Variants in PIK3C2A observed in about 807,000 individuals in gnomAD.
PIK3C2A encodes phosphatidylinositol-4-phosphate 3-kinase catalytic subunit type 2 alpha.
In PIK3C2A, 97 loss-of-function variants were observed where a neutral mutation model predicts 204.5. The ratio of observed to expected loss-of-function variants is 0.47; its 90% CI spans 0.40 to 0.56. The LOEUF is 0.56. Among genes scored for constraint, PIK3C2A ranks in the 20% least tolerant of loss-of-function variants. The pLI is 0.00. For synonymous variants in PIK3C2A, 653 were observed against 664.4 expected, an observed-to-expected ratio of 0.98 and a Z score of 0.26; for missense variants, 1,735 against 1,969.2, an observed-to-expected ratio of 0.88 and a Z score of 2.25.
rs1848273597 is a variant in PIK3C2A at position 17,090,398 on chromosome 11, CGG to C, written c.4879-480_4879-479del. Among the ~76,000 whole-genome samples, 16 of 152,272 alleles carry C rather than the reference CGG, an allele frequency of 1.1e-4. No homozygotes were observed. In the South Asian group the frequency reaches 3.3e-3, roughly 32 times the overall value. ...AGGAGAATCACTTGAACTCAGGAGG[CGG>C]AGGTTGCAGTGAGCCAACATGGCTC... On this transcript the variant is annotated intron_variant, in intron 32 of 32. Transcript: ENST00000691414.
chr11:17,125,348 CA>C (rs1849488605), intron 13 of PIK3C2A, among the ~76,000 whole-genome samples: 1 of 152,120 alleles, frequency 6.6e-6, no homozygotes, highest in Non-Finnish European at 1.5e-5. Flanking sequence ...TGCCGCTAAA[CA>C]TCCTACAATG....
In PIK3C2A at chr11:17,169,226, G is replaced by A; in HGVS notation, c.516C>T (p.Phe172=). Residue 172 remains phenylalanine, a synonymous_variant, in exon 2 of 33, where the codon TTC becomes TTT. Transcript: ENST00000691414. ...ATGGAAAAGTGGGCATTCTTGGATT[G>A]AAGCCATTTTGGAATGCAGCCTGTT... ...YSKQAAFQNG[F]NPRMPTFPST... is the part of the protein sequence containing the mutation. 6.2e-7 allele frequency: 1 copy of A among 1,614,118 alleles called. No individual in the cohort carries two copies. Among genetic ancestry groups the A allele is most frequent in the Non-Finnish European group, 8.5e-7 (1 of 1,179,988 alleles).
At chr11:17,116,009 A>G (rs991471506) in intron 19 of PIK3C2A, among the ~76,000 whole-genome samples, 2 of 152,224 alleles carry the variant, frequency 1.3e-5, no homozygotes, top group Admixed American at 1.3e-4. Flanking sequence ...ATGACACTAA[A>G]AGCATGAGCC....
intron 2 of PIK3C2A, 139 bp downstream of exon 2, chr11:17,168,538 G>A (rs556883334): frequency 2.9e-5 from 18 of 618,926 alleles, no homozygotes; most frequent in East Asian, 2.3e-4. Context: ...CCGAAATCAC[G>A]CCACTGCACT....
intron 1 of PIK3C2A, among the ~76,000 whole-genome samples, chr11:17,172,173 T>C (rs1353344657): frequency 6.6e-6 from 1 of 152,178 alleles, no homozygotes; most frequent in African/African-American, 2.4e-5. Flanking sequence ...TTCTTGTTCC[T>C]CTCATAAAGA....
intron 29 of PIK3C2A, 28 bp from the exon 30 acceptor site, chr11:17,092,096 A>C (rs1247712096): frequency 6.5e-7 from 1 of 1,538,492 alleles, no homozygotes; most frequent in Non-Finnish European, 9.0e-7. Flanking sequence ...GCAATTCATT[A>C]GTTTAAATAT....
chr11:17,117,530 T>A lies in PIK3C2A; in HGVS notation c.3177A>T (p.Val1059=). Residue 1059 remains valine (V), a synonymous_variant, in exon 19 of 33, where the codon GTA becomes GTT. Transcript: ENST00000691414. ...QTKLVQLLGG[V]AEKVRQASGS... The stretch of plus-strand genomic sequence containing the variant: ...CACTAGCCTGCCTTACTTTTTCTGC[T>A]ACTCCTCCTAAAAGCTGTACAAGTT... 2 of 1,613,868 alleles carry A rather than the reference T, an allele frequency of 1.2e-6. No homozygotes were observed. Among genetic ancestry groups the A allele is most frequent in the African/African-American group, 2.7e-5 (2 of 75,004 alleles).
chr11:17,139,431 T>C (rs1490359381), intron 8 of PIK3C2A, among the ~76,000 whole-genome samples: 1 of 150,510 alleles, frequency 6.6e-6, no homozygotes, highest in Non-Finnish European at 1.5e-5. Context: ...TTTCGCCATA[T>C]TGGGCTGGTC....
intron 8 of PIK3C2A, among the ~76,000 whole-genome samples, chr11:17,137,423 C>CTTTTTTTTTTTTTT (rs33912263): frequency 1.6e-5 from 2 of 125,042 alleles, no homozygotes; most frequent in African/African-American, 5.9e-5. Flanking sequence ...ATTACTTTGC[C>CTTTTTTTTTTTTTT]TTTTTTTTTG....
Position 17,117,677 on chromosome 11 carries a change from A to G in PIK3C2A, c.3036-6T>C, listed in dbSNP as rs991106966. 1 of 1,484,246 alleles carries G rather than the reference A, an allele frequency of 6.7e-7. No individual in the cohort carries two copies. The highest frequency in any genetic ancestry group is 1.4e-5 in the African/African-American group (1 of 70,270). The allele number at this position is 1,484,246 out of a possible 1,614,324, so 91.9% of individuals were successfully genotyped here. On this transcript the variant is annotated splice_polypyrimidine_tract_variant and splice_region_variant and intron_variant, in intron 18 of 32. Transcript: ENST00000691414. ...GCAGGGCATCTTTGAGAAGCCTAAT[A>G]CAGCAAAATATTTATGTTAGTCACG...
intron 20 of PIK3C2A, among the ~76,000 whole-genome samples, chr11:17,113,617 ACTAAACATAC>A (rs1849070655): frequency 6.6e-6 from 1 of 151,588 alleles, no homozygotes. Flanking sequence ...CCCCGTCTCT[ACTAAACATAC>A]AAATATTAGC....
intron 12 of PIK3C2A, among the ~76,000 whole-genome samples, chr11:17,131,016 A>C (rs1049950884): frequency 1.3e-5 from 2 of 151,382 alleles, no homozygotes; most frequent in African/African-American, 4.9e-5. Context: ...GTGAAACCCC[A>C]ACTCTACTAA....
At chr11:17,199,501 A>C (rs916447148) in intron 1 of PIK3C2A, among the ~76,000 whole-genome samples, 1 of 152,264 alleles carries the variant, frequency 6.6e-6, no homozygotes, top group Admixed American at 6.5e-5. Context: ...GTGGTACATT[A>C]AATATGATTC....
chr11:17,099,973 T>A lies in PIK3C2A; in HGVS notation c.4009-4A>T. The A allele has an allele frequency of 7.1e-7, 1 of 1,414,990 alleles. No homozygotes were observed. Among genetic ancestry groups the A allele is most frequent in the Non-Finnish European group, 9.9e-7 (1 of 1,009,508 alleles). The allele number at this position is 1,414,990 out of a possible 1,614,324, so 87.7% of individuals were successfully genotyped here. A position where few individuals can be genotyped will look rare whatever the true frequency, so the allele number is the denominator to read the frequency against. On this transcript the variant is annotated splice_polypyrimidine_tract_variant and splice_region_variant and intron_variant, in intron 25 of 32. Coordinates refer to ENST00000691414, the MANE Select transcript of PIK3C2A (RefSeq NM_002645.4). ...CTGGTAACCCTGAAGGAATCATCTG[T>A]AGAAGAAAACAAAAAGTTCTGTGAG...
Position 17,206,509 on chromosome 11 carries a change from A to G in PIK3C2A, c.-66+1339T>C, listed in dbSNP as rs146756915. Among the ~76,000 whole-genome samples the G allele has an allele frequency of 5.8e-3, 888 of 151,864 alleles. 18 individuals carry two copies. Among genetic ancestry groups the G allele is most frequent in the African/African-American group, 0.02 (844 of 41,412 alleles). On this transcript the variant is annotated intron_variant, in intron 1 of 32. Transcript: ENST00000691414. ...CATCCTGTCCAGATAAGGTTAGATCAAATTTAAAAAAAAAAAAAGCACCAT... is the reference window on the plus strand; with the variant it reads ...CATCCTGTCCAGATAAGGTTAGATCGAATTTAAAAAAAAAAAAAGCACCAT...
At chr11:17,156,541 CCTGG>C (rs1158515969) in intron 2 of PIK3C2A, among the ~76,000 whole-genome samples, 1 of 152,094 alleles carries the variant, frequency 6.6e-6, no homozygotes, top group Non-Finnish European at 1.5e-5. Flanking sequence ...GGCCACCCCA[CCTGG>C]CTAATTTTTG....
chr11:17,169,581 C>A lies in PIK3C2A; in HGVS notation c.161G>T (p.Gly54Val), dbSNP rs747716277. 1.2e-5 allele frequency: 20 copies of A among 1,613,968 alleles called. No individual in the cohort carries two copies. The East Asian group carries it at 3.6e-4, about 29-fold the overall frequency. Residue 54 changes from glycine to valine, a missense_variant, in exon 2 of 33, where the codon GGC (glycine) becomes GTC (valine). Coordinates refer to ENST00000691414, the MANE Select transcript of PIK3C2A (RefSeq NM_002645.4). ...TCTGGTGCTGCTTGACAACTCAAAG[C>A]CTCTCTGATTGTCAGTCACTTGTCT... is the stretch of plus-strand genomic sequence containing the variant. ...KDRQVTDNQR[G>V]FELSSSTRKK...
chr11:17,094,284 A>G lies in PIK3C2A; in HGVS notation c.4428T>C (p.Ile1476=), dbSNP rs1848392496. ...ACCCTGGTAACTTCCAAAGTGGAAA[A>G]ATAATACTGAGCTTATTGTGAAGTT... is the stretch of plus-strand genomic sequence containing the variant. ...FQELHNKLSI[I]FPLWKLPGFP... is the part of the protein sequence containing the mutation. Residue 1476 remains isoleucine (I), a synonymous_variant, in exon 28 of 33, where the codon ATT becomes ATC. Coordinates refer to ENST00000691414, the MANE Select transcript of PIK3C2A (RefSeq NM_002645.4). 6.2e-7 allele frequency: 1 copy of G among 1,611,086 alleles called. No homozygotes were observed. The highest frequency in any genetic ancestry group is 8.5e-7 in the Non-Finnish European group (1 of 1,177,540).
chr11:17,120,032 A>G (rs1849323515), intron 15 of PIK3C2A, 58 bp from the exon 16 acceptor site: 1 of 683,502 alleles, frequency 1.5e-6, no homozygotes, highest in South Asian at 3.1e-5. Context: ...TATAATCTCA[A>G]TGATTAAAAA....
Sources: gnomAD v4.1 joint callset for allele counts (sites outside exome capture counted in the v4.1 genomes callset) on GRCh38, gnomAD v4.1.1 for gene constraint, MANE v1.5 for transcripts, NCBI Gene and HGNC (gene_info 2026-07-23, HGNC 2026-07-21) for gene names.